PDE4D: variants seen among roughly 807,000 people sequenced by gnomAD.
PDE4D encodes phosphodiesterase 4D.
In PDE4D, 24 loss-of-function variants were observed where a neutral mutation model predicts 87.4. The ratio of observed to expected loss-of-function variants is 0.27; its 90% CI spans 0.20 to 0.39. The LOEUF (loss-of-function observed/expected upper bound fraction) is 0.39, where lower values mean the gene tolerates loss of function less well. PDE4D is among the 10% of genes least tolerant of loss of function. The probability of loss-of-function intolerance (pLI) is 1.00; values close to 1 mark genes in which losing one functional copy is unlikely to be tolerated. For missense variants in PDE4D, 714 were observed against 1,041.0 expected (o/e 0.69, Z 4.32); for synonymous variants, 384 against 383.2 (o/e 1.00, Z -0.02).
intron 1 of PDE4D, among the ~76,000 whole-genome samples, chr5:59,349,874 C>T (rs1044455466): frequency 6.6e-6 from 1 of 152,054 alleles, no homozygotes; most frequent in African/African-American, 2.4e-5. Flanking sequence ...AGTTTGTAAT[C>T]TTTCTGCCTG....
At chr5:59,435,862 T>C (rs921938609) in intron 1 of PDE4D, among the ~76,000 whole-genome samples, 2 of 152,184 alleles carry the variant, frequency 1.3e-5, no homozygotes, top group Non-Finnish European at 2.9e-5. Context: ...ATTCATCATA[T>C]GCAATCAAAC....
At chr5:59,426,746 G>C (rs557197405) in intron 1 of PDE4D, among the ~76,000 whole-genome samples, 1 of 151,976 alleles carries the variant, frequency 6.6e-6, no homozygotes, top group Admixed American at 6.6e-5. Context: ...AGTGGCTACT[G>C]TCTCACCACA....
chr5:59,594,259 C>T (rs1248285129), intron 1 of PDE4D, among the ~76,000 whole-genome samples: 1 of 151,576 alleles, frequency 6.6e-6, no homozygotes, highest in Non-Finnish European at 1.5e-5. Context: ...CTCCACTGCC[C>T]CTTACCACAC....
chr5:59,161,759 C>T (rs1320465593), intron 5 of PDE4D, among the ~76,000 whole-genome samples: 1 of 152,156 alleles, frequency 6.6e-6, no homozygotes, highest in Non-Finnish European at 1.5e-5. Flanking sequence ...TCTCAATTTC[C>T]GTTTTCCCCC....
chr5:59,199,942 A>G (rs138517018), intron 2 of PDE4D, among the ~76,000 whole-genome samples: 34 of 151,934 alleles, frequency 2.2e-4, no homozygotes, highest in Non-Finnish European at 1.2e-4. Flanking sequence ...ATATATACAT[A>G]TATACATACA....
intron 1 of PDE4D, among the ~76,000 whole-genome samples, chr5:59,688,401 C>T (rs1580425737): frequency 6.6e-6 from 1 of 152,284 alleles, no homozygotes; most frequent in East Asian, 1.9e-4. Flanking sequence ...AACTAGAATT[C>T]AGGATTAAGA....
intron 2 of PDE4D, among the ~76,000 whole-genome samples, chr5:60,172,265 T>TACACACACACACAC (rs58938460): frequency 9.2e-5 from 13 of 141,018 alleles, no homozygotes; most frequent in African/African-American, 3.4e-4. Flanking sequence ...AGTACTTCAA[T>TACACACACACACAC]ACACACACAC....
At chr5:59,716,464 C>A (rs752671543) in intron 1 of PDE4D, among the ~76,000 whole-genome samples, 8 of 152,170 alleles carry the variant, frequency 5.3e-5, no homozygotes, top group Admixed American at 1.3e-4. Context: ...ATGTGATAAA[C>A]AGGTAACCCT....
At chr5:59,611,735 C>A (rs1038510536) in intron 1 of PDE4D, among the ~76,000 whole-genome samples, 1 of 152,030 alleles carries the variant, frequency 6.6e-6, no homozygotes, top group Non-Finnish European at 1.5e-5. Flanking sequence ...TCACTTTGGC[C>A]CACCTTACTT....
upstream of PDE4D, among the ~76,000 whole-genome samples, chr5:60,491,952 C>T (rs752697282): frequency 1.3e-5 from 2 of 152,014 alleles, no homozygotes; most frequent in Admixed American, 6.5e-5. Flanking sequence ...AGAACTGAGC[C>T]TATTATATGG....
intron 5 of PDE4D, chr5:59,063,537 A>G (rs1297641253): frequency 6.6e-6 from 1 of 152,204 alleles, no homozygotes; most frequent in East Asian, 1.9e-4. Flanking sequence ...CCTTCAGGCT[A>G]CTAAACTTCA....
intron 1 of PDE4D, among the ~76,000 whole-genome samples, chr5:59,543,571 TA>T (rs1292213634): frequency 2.6e-5 from 4 of 152,100 alleles, no homozygotes; most frequent in African/African-American, 9.7e-5. Context: ...AGGACAGGTT[TA>T]GAGAGGTCAA....
At chr5:60,355,560 T>C (rs114497903) in intron 1 of PDE4D, among the ~76,000 whole-genome samples, 4,148 of 152,134 alleles carry the variant, frequency 0.027, 182 homozygotes, top group African/African-American at 0.094. Flanking sequence ...TTGAACAAGG[T>C]GGGGGTTGGG....
At chr5:59,793,062 C>A (rs573440664) in intron 1 of PDE4D, among the ~76,000 whole-genome samples, 2 of 152,068 alleles carry the variant, frequency 1.3e-5, no homozygotes, top group African/African-American at 4.8e-5. Flanking sequence ...ATGGAATGTC[C>A]GATAGGTAGG....
intron 6 of PDE4D, among the ~76,000 whole-genome samples, chr5:58,997,488 T>A (rs896489588): frequency 6.6e-6 from 1 of 152,164 alleles, no homozygotes; most frequent in Non-Finnish European, 1.5e-5. Flanking sequence ...TATTTCTCAA[T>A]TAATATATTT....
chr5:59,273,014 A>G (rs192854558), intron 1 of PDE4D, among the ~76,000 whole-genome samples: 286 of 152,326 alleles, frequency 1.9e-3, no homozygotes, highest in African/African-American at 6.7e-3. Context: ...AAGTAGACCA[A>G]TGGAACACAA....
At chr5:59,786,942 A>G (rs1765243556) in intron 1 of PDE4D, among the ~76,000 whole-genome samples, 1 of 152,350 alleles carries the variant, frequency 6.6e-6, no homozygotes, top group South Asian at 2.1e-4. Context: ...GAAATAAACA[A>G]AAGCGATAAT....
intron 1 of PDE4D, among the ~76,000 whole-genome samples, chr5:60,518,705 T>C (rs182837692): frequency 7.2e-4 from 110 of 152,294 alleles, no homozygotes; most frequent in Admixed American, 5.9e-4. Context: ...TTTTTTTTTC[T>C]TCAAGAAAGA....
chr5:59,259,900 T>C (rs896654832), intron 1 of PDE4D, among the ~76,000 whole-genome samples: 3 of 151,826 alleles, frequency 2.0e-5, no homozygotes, highest in Non-Finnish European at 2.9e-5. Flanking sequence ...TCGGTCTGAA[T>C]GAATTTATTC....
Sources: gnomAD v4.1 joint callset for allele counts (sites outside exome capture counted in the v4.1 genomes callset) on GRCh38, gnomAD v4.1.1 for gene constraint, MANE v1.5 for transcripts, NCBI Gene and HGNC (gene_info 2026-07-23, HGNC 2026-07-21) for gene names.